The following ARSG variants were observed in gnomAD, a reference collection of about 807,000 sequenced individuals.
The protein encoded by ARSG is ASG.
ARSG carries 37 observed loss-of-function variants against 50.5 expected under a neutral mutation model. That is an observed-to-expected ratio of 0.73 (90% CI 0.56 to 0.96). ARSG has a LOEUF of 0.96. Among genes scored for constraint, ARSG ranks in the 50% least tolerant of loss-of-function variants. The probability of loss-of-function intolerance (pLI) is 0.00; values close to 1 mark genes in which losing one functional copy is unlikely to be tolerated. For missense variants in ARSG, 629 were observed against 675.3 expected (o/e 0.93, Z 0.76); for synonymous variants, 225 against 254.6 (o/e 0.88, Z 1.11).
Position 68,351,647 on chromosome 17 carries a change from C to T in ARSG, c.527C>T (p.Pro176Leu), listed in dbSNP as rs1230747345. Residue 176 changes from proline (P) to leucine (L), a missense_variant, in exon 5 of 12, where the codon CCT becomes CTT. Pro to Leu is a moderately conservative substitution (Grantham distance 98). Coordinates refer to ENST00000621439, the MANE Select transcript of ARSG (RefSeq NM_001267727.2). Reference sequence around the variant, plus strand: ...ACTGATACTCCAGGCTACAACCACCCTCCTTGTCCAGCGTGTCCACAGGGT... The same window carrying T: ...ACTGATACTCCAGGCTACAACCACCTTCCTTGTCCAGCGTGTCCACAGGGT... ...GCTDTPGYNH[P>L]PCPACPQGDG... The T allele has an allele frequency of 1.9e-6, 3 of 1,613,748 alleles. No individual in the cohort carries two copies. The African/African-American group carries it at 4.0e-5, about 22-fold the overall frequency.
At chr17:68,319,347 C>T (rs1744467147) in intron 2 of ARSG, among the ~76,000 whole-genome samples, 1 of 152,134 alleles carries the variant, frequency 6.6e-6, no homozygotes, top group Non-Finnish European at 1.5e-5. Flanking sequence ...GGACAGGCGA[C>T]TTTATGTTTT....
intron 1 of ARSG, among the ~76,000 whole-genome samples, chr17:68,294,424 A>G (rs528029372): frequency 1.3e-5 from 2 of 152,190 alleles, no homozygotes; most frequent in Non-Finnish European, 2.9e-5. Flanking sequence ...CTGGCTTGCA[A>G]ATAAGCTCAC....
chr17:68,406,455 G>C (rs1472297903), intron 11 of ARSG, among the ~76,000 whole-genome samples: 1 of 152,084 alleles, frequency 6.6e-6, no homozygotes, highest in Non-Finnish European at 1.5e-5. Context: ...GTTCTTTAAG[G>C]AATCTGTTTT....
chr17:68,389,090 G>A (rs767353347), intron 9 of ARSG, among the ~76,000 whole-genome samples: 1 of 152,154 alleles, frequency 6.6e-6, no homozygotes, highest in East Asian at 1.9e-4. Flanking sequence ...TAAAAGCTAC[G>A]AGGAGGCTGT....
At chr17:68,318,514 GGA>G (rs1161105164) in intron 2 of ARSG, among the ~76,000 whole-genome samples, 3 of 152,232 alleles carry the variant, frequency 2.0e-5, no homozygotes, top group Non-Finnish European at 2.9e-5. Context: ...AGGTCTCTTG[GGA>G]GAGAGACAGA....
chr17:68,366,167 G>C (rs112367043), intron 6 of ARSG, among the ~76,000 whole-genome samples: 10 of 152,034 alleles, frequency 6.6e-5, no homozygotes, highest in African/African-American at 2.2e-4. Context: ...TCAAACTCCT[G>C]ACCTCAAATG....
chr17:68,290,860 C>G (rs2075961958), upstream of ARSG, among the ~76,000 whole-genome samples: 1 of 152,174 alleles, frequency 6.6e-6, no homozygotes, highest in Admixed American at 6.5e-5. Flanking sequence ...CACGGACATT[C>G]AACTCTCAGC....
chr17:68,385,101 G>A lies in ARSG; in HGVS notation c.1020G>A (p.Gly340=). 6.2e-7 allele frequency: 1 copy of A among 1,614,082 alleles called. No homozygotes were observed. ...SPAKQTTWEG[G]HRVPALAYWP... is the part of the protein sequence containing the mutation. ...CCAAGCAGACGACCTGGGAAGGAGG[G>A]CACCGGGTCCCAGCACTGGCTTACT... The change falls in exon 9 of 12, where the codon GGG becomes GGA. Residue 340 remains glycine, a synonymous_variant. Transcript: ENST00000621439.
At chr17:68,451,695 C>A in the ARSG span, among the ~76,000 whole-genome samples, 1 of 152,266 alleles carries the variant, frequency 6.6e-6, no homozygotes, top group Non-Finnish European at 1.5e-5. Flanking sequence ...TGGGAGGGGA[C>A]AGTAACACAG....
intron 1 of ARSG, among the ~76,000 whole-genome samples, chr17:68,264,318 C>T (rs1415128768): frequency 1.3e-5 from 2 of 152,126 alleles, no homozygotes; most frequent in East Asian, 1.9e-4. Flanking sequence ...AAGGGAAAGG[C>T]AAATAAATGC....
chr17:68,431,384 G>A, the ARSG span, among the ~76,000 whole-genome samples: 1 of 152,008 alleles, frequency 6.6e-6, no homozygotes, highest in Admixed American at 6.6e-5. Context: ...AGCCCGGCAC[G>A]TGGCGCATAC....
intron 2 of ARSG, among the ~76,000 whole-genome samples, chr17:68,309,729 G>C (rs2145636096): frequency 6.6e-6 from 1 of 151,914 alleles, no homozygotes; most frequent in South Asian, 2.1e-4. Flanking sequence ...CGCAGTGGCA[G>C]GCACCTGTGA....
rs1457182818 is a variant in ARSG at position 68,418,480 on chromosome 17, C to G, written c.1304-1709C>G. Among the ~76,000 whole-genome samples, 4 of 152,182 alleles carry G rather than the reference C, an allele frequency of 2.6e-5. No homozygotes were observed. In the South Asian group the frequency reaches 6.2e-4, roughly 24 times the overall value. ...TTAATCTCTACTGATCAACTTGACT[C>G]TCAGCCACAGGTGGAAAACCAGTAA... On this transcript the variant is annotated intron_variant, in intron 11 of 11. Coordinates refer to ENST00000621439, the MANE Select transcript of ARSG (RefSeq NM_001267727.2).
At chr17:68,371,131 TAACACGGTGA>T (rs914932382) in intron 8 of ARSG, among the ~76,000 whole-genome samples, 17 of 151,970 alleles carry the variant, frequency 1.1e-4, no homozygotes, top group African/African-American at 3.9e-4. Context: ...CCATCCTGGC[TAACACGGTGA>T]AACCCCATCT....
the ARSG span, among the ~76,000 whole-genome samples, chr17:68,441,350 CTAATTTACT>C: frequency 6.6e-6 from 1 of 152,202 alleles, no homozygotes; most frequent in Non-Finnish European, 1.5e-5. Flanking sequence ...CTCTGTATAG[CTAATTTACT>C]TGTAGTTTAT....
chr17:68,450,591 G>T, the ARSG span: 1 of 1,179,572 alleles, frequency 8.5e-7, no homozygotes, highest in Non-Finnish European at 1.2e-6. Flanking sequence ...ATACCCCCGG[G>T]ACACGGGGCC....
intron 3 of ARSG, 125 bp downstream of exon 3, chr17:68,343,916 C>T (rs922584573): frequency 1.3e-5 from 13 of 1,001,606 alleles, no homozygotes; most frequent in Non-Finnish European, 1.6e-5. Context: ...TAGGGATGCT[C>T]TCAGCTATAA....
upstream of ARSG, among the ~76,000 whole-genome samples, chr17:68,287,257 C>T (rs191852292): frequency 1.3e-3 from 192 of 152,182 alleles, no homozygotes; most frequent in Non-Finnish European, 2.1e-3. Context: ...TAGTATTAAA[C>T]GTTAGATAGT....
chr17:68,408,383 T>A (rs2081840407), intron 11 of ARSG, among the ~76,000 whole-genome samples: 1 of 151,360 alleles, frequency 6.6e-6, no homozygotes, highest in South Asian at 2.1e-4. Flanking sequence ...TGTTTGGTTT[T>A]TTGTTCTTGC....
Sources: allele counts gnomAD v4.1 joint callset (sites outside exome capture counted in the v4.1 genomes callset), GRCh38; gene constraint gnomAD v4.1.1; transcripts MANE v1.5; gene names NCBI Gene and HGNC (gene_info 2026-07-23, HGNC 2026-07-21).